BEND7: variants seen among roughly 807,000 people sequenced by gnomAD.
BEND7 encodes the protein BEN domain containing 7.
A neutral mutation model predicts 50.9 loss-of-function variants in BEND7; 28 were observed. The ratio of observed to expected loss-of-function variants is 0.55; its 90% CI spans 0.41 to 0.75. The LOEUF is 0.75. BEND7 is among the 30% of genes least tolerant of loss of function. The pLI is 0.00. For missense variants in BEND7, 477 were observed against 491.3 expected (o/e 0.97, Z 0.28); for synonymous variants, 170 against 183.9 (o/e 0.92, Z 0.61).
Position 13,441,732 on chromosome 10 carries a change from G to T in BEND7, c.*11C>A. On this transcript the variant is annotated 3_prime_UTR_variant, in exon 9 of 9. Coordinates refer to ENST00000466271, the MANE Select transcript of BEND7 (RefSeq NM_001369863.1). ...GCAAAAAACACAAGAGCTGTGGTTT[G>T]CAGTCCTTCATCAGACCACTTGAGA... 6.2e-7 allele frequency: 1 copy of T among 1,614,032 alleles called. No individual in the cohort carries two copies. The highest frequency in any genetic ancestry group is 1.1e-5 in the South Asian group (1 of 91,056).
chr10:13,488,320 TAACAAC>T (rs150415226), intron 5 of BEND7, among the ~76,000 whole-genome samples: 1 of 151,688 alleles, frequency 6.6e-6, no homozygotes, highest in African/African-American at 2.4e-5. Flanking sequence ...AAACGAAAAG[TAACAAC>T]AACAAGACAA....
Position 13,508,045 on chromosome 10 carries a change from C to T in BEND7, c.146-7965G>A, listed in dbSNP as rs150306339. Among the ~76,000 whole-genome samples, 352 of 152,286 alleles carry T rather than the reference C, an allele frequency of 2.3e-3. 1 individual carries two copies. Among genetic ancestry groups the T allele is most frequent in the African/African-American group, 8.2e-3 (341 of 41,564 alleles). On this transcript the variant is annotated intron_variant, in intron 2 of 8. Transcript: ENST00000466271. Reference sequence around the variant, plus strand: ...GTCAAATGGGAGACAGGTGGGAGCACGGAGCCAGGGCCTTCAGGCTTGCGG... The same window carrying T: ...GTCAAATGGGAGACAGGTGGGAGCATGGAGCCAGGGCCTTCAGGCTTGCGG...
chr10:13,452,050 C>G (rs952007494), intron 7 of BEND7, among the ~76,000 whole-genome samples: 13 of 152,104 alleles, frequency 8.5e-5, no homozygotes, highest in African/African-American at 3.1e-4. Flanking sequence ...AATTTTAAAC[C>G]CACACACACA....
chr10:13,510,582 G>A (rs569670186), intron 2 of BEND7, among the ~76,000 whole-genome samples: 12 of 152,270 alleles, frequency 7.9e-5, no homozygotes, highest in Non-Finnish European at 1.2e-4. Context: ...TCTATAAAGA[G>A]TGAAATAGAC....
intron 6 of BEND7, among the ~76,000 whole-genome samples, chr10:13,467,736 T>A (rs2074393165): frequency 6.6e-6 from 1 of 152,240 alleles, no homozygotes; most frequent in African/African-American, 2.4e-5. Context: ...ATCTTGTTAT[T>A]CATGCCCTGT....
At chr10:13,480,102 A>G (rs1230751353) in intron 6 of BEND7, among the ~76,000 whole-genome samples, 1 of 152,182 alleles carries the variant, frequency 6.6e-6, no homozygotes, top group Non-Finnish European at 1.5e-5. Context: ...AGTTGTGTTT[A>G]GTTTTGAGAC....
chr10:13,497,704 A>G lies in BEND7; in HGVS notation c.449-816T>C, dbSNP rs113306006. ...TTAGAATAAAATGGGACATTTGGAC[A>G]TTGCTCTTACAGTGGGTTCCCTCCA... On this transcript the variant is annotated intron_variant, in intron 3 of 8. Coordinates refer to ENST00000466271, the MANE Select transcript of BEND7 (RefSeq NM_001369863.1). Among the ~76,000 whole-genome samples, 751 of 152,316 alleles carry G rather than the reference A, an allele frequency of 4.9e-3. 14 individuals carry two copies. In the South Asian group the frequency reaches 0.072, roughly 15 times the overall value.
chr10:13,512,936 C>T (rs1049582879), intron 2 of BEND7, among the ~76,000 whole-genome samples: 5 of 152,158 alleles, frequency 3.3e-5, no homozygotes, highest in African/African-American at 1.2e-4. Context: ...GCTAAGGCAA[C>T]AGTAACTTAA....
intron 6 of BEND7, among the ~76,000 whole-genome samples, chr10:13,456,457 A>G (rs1838998698): frequency 6.6e-6 from 1 of 152,184 alleles, no homozygotes; most frequent in South Asian, 2.1e-4. Flanking sequence ...CTGGGGAGCG[A>G]GAGGAAGACG....
In BEND7 at chr10:13,518,576, C is replaced by G. The variant is rs144512757; in HGVS notation, c.145+7562G>C. On this transcript the variant is annotated intron_variant, in intron 2 of 8. Transcript: ENST00000466271. Reference sequence around the variant, plus strand: ...ACCTGTGTTAGAGCAGAATAAGGAACAAGCAGAACAAATGTGATTTTCCAA... The same window carrying G: ...ACCTGTGTTAGAGCAGAATAAGGAAGAAGCAGAACAAATGTGATTTTCCAA... Among the ~76,000 whole-genome samples the G allele has an allele frequency of 8.5e-5, 13 of 152,294 alleles. No homozygotes were observed. In the South Asian group the frequency reaches 2.5e-3, roughly 29 times the overall value.
At chr10:13,479,624 T>G (rs1038823960) in intron 6 of BEND7, among the ~76,000 whole-genome samples, 2 of 152,250 alleles carry the variant, frequency 1.3e-5, no homozygotes, top group African/African-American at 4.8e-5. Context: ...CCTACTTACA[T>G]CATTGACCAT....
rs1168247760 is a variant in BEND7 at position 13,452,617 on chromosome 10, G to A, written c.1105C>T (p.Leu369Phe). ...TGTACCCAATCTCTTGGGCCAGGAA[G>A]CTTATCCACATGGTTAGCTGTACAG... ...KYCTANHVDK[L>F]PGPRDWVQIL... The change falls in exon 7 of 9, where the codon CTT (leucine) becomes TTT (phenylalanine). Residue 369 changes from leucine to phenylalanine, a missense_variant. Physicochemically the swap from Leu to Phe is conservative, Grantham distance 22. Around this residue, in one of 3 missense-constraint regions of BEND7, gnomAD observed 64 missense variants for 68.5 expected, o/e 0.93. Coordinates refer to ENST00000466271, the MANE Select transcript of BEND7 (RefSeq NM_001369863.1). 2 of 1,612,820 alleles carry A rather than the reference G, an allele frequency of 1.2e-6. No individual in the cohort carries two copies. The highest frequency in any genetic ancestry group is 2.7e-5 in the African/African-American group (2 of 74,874).
intron 2 of BEND7, among the ~76,000 whole-genome samples, chr10:13,523,446 T>C (rs149002360): frequency 6.6e-6 from 1 of 152,354 alleles, no homozygotes; most frequent in African/African-American, 2.4e-5. Context: ...TCTAGAAGAC[T>C]CTTTTTCACC....
At chr10:13,489,422 C>T (rs866327604) in intron 5 of BEND7, among the ~76,000 whole-genome samples, 4 of 152,282 alleles carry the variant, frequency 2.6e-5, no homozygotes, top group East Asian at 1.9e-4. Flanking sequence ...AAGTCCTTTG[C>T]GCAGTGGACA....
At chr10:13,510,961 T>C (rs764424470) in intron 2 of BEND7, among the ~76,000 whole-genome samples, 49 of 152,134 alleles carry the variant, frequency 3.2e-4, no homozygotes, top group Non-Finnish European at 5.9e-4. Context: ...ACGGATCACT[T>C]GAGGTCAGGT....
At chr10:13,472,960 T>C (rs2075032917) in intron 6 of BEND7, among the ~76,000 whole-genome samples, 1 of 152,060 alleles carries the variant, frequency 6.6e-6, no homozygotes. Flanking sequence ...TCAGGGTCGA[T>C]ACCCGTCATT....
At chr10:13,452,498 A>C in intron 7 of BEND7, 41 bp downstream of exon 7, 1 of 1,571,592 alleles carries the variant, frequency 6.4e-7, no homozygotes, top group Non-Finnish European at 8.6e-7. Context: ...CTAAGAATTC[A>C]TAAGTGCTTC....
chr10:13,483,334 T>C (rs2075999197), intron 5 of BEND7, among the ~76,000 whole-genome samples: 4 of 152,186 alleles, frequency 2.6e-5, no homozygotes, highest in Admixed American at 2.6e-4. Context: ...CATGCGCTCA[T>C]ACTGTTTCTA....
In BEND7 at chr10:13,452,622, T is replaced by C. The variant is rs1025578455; in HGVS notation, c.1100A>G (p.Asp367Gly). The C allele has an allele frequency of 6.2e-7, 1 of 1,612,768 alleles. No individual in the cohort carries two copies. ...CCAATCTCTTGGGCCAGGAAGCTTATCCACATGGTTAGCTGTACAGTACTT... is the reference window on the plus strand; with the variant it reads ...CCAATCTCTTGGGCCAGGAAGCTTACCCACATGGTTAGCTGTACAGTACTT... ...TEKYCTANHV[D>G]KLPGPRDWVQ... Residue 367 changes from aspartate (D) to glycine (G), a missense_variant, in exon 7 of 9, where the codon GAT (aspartate) becomes GGT (glycine). By Grantham distance (94) the Asp-to-Gly change is moderately conservative. This residue lies in a region of BEND7 where 64 missense variants were observed against 68.5 expected (regional missense o/e 0.93). Coordinates refer to ENST00000466271, the MANE Select transcript of BEND7 (RefSeq NM_001369863.1).
Sources: gnomAD v4.1 joint callset for allele counts (sites outside exome capture counted in the v4.1 genomes callset) on GRCh38, gnomAD v4.1.1 for gene constraint, gnomAD v4.1.1 regional missense constraint, MANE v1.5 for transcripts, NCBI Gene and HGNC (gene_info 2026-07-23, HGNC 2026-07-21) for gene names.